The following CIMAP2 variants were observed in gnomAD, a reference collection of about 807,000 sequenced individuals.
The protein encoded by CIMAP2 is ciliary microtubule-associated protein 2.
chr1:54,839,539 G>A, the CIMAP2 span, among the ~76,000 whole-genome samples: 6 of 151,338 alleles, frequency 4.0e-5, no homozygotes, highest in African/African-American at 7.3e-5. Context: ...CACCACGCCC[G>A]ACTAATTTTT....
At chr1:54,832,337 A>C in the CIMAP2 span, among the ~76,000 whole-genome samples, 1 of 148,532 alleles carries the variant, frequency 6.7e-6, no homozygotes, top group Middle Eastern at 3.2e-3. Context: ...TTGATCTCTA[A>C]GAAAATCTCA....
the CIMAP2 span, among the ~76,000 whole-genome samples, chr1:54,832,545 T>C: frequency 6.6e-6 from 1 of 152,152 alleles, no homozygotes; most frequent in East Asian, 1.9e-4. Flanking sequence ...TATTTAGACA[T>C]TAATTACAAT....
At chr1:54,829,504 G>T in the CIMAP2 span, among the ~76,000 whole-genome samples, 2 of 152,336 alleles carry the variant, frequency 1.3e-5, no homozygotes, top group East Asian at 1.9e-4. Flanking sequence ...AGGAGGCACA[G>T]AAGATCGATC....
chr1:54,841,562 T>C, the CIMAP2 span: 4 of 1,612,350 alleles, frequency 2.5e-6, no homozygotes, highest in Non-Finnish European at 3.4e-6. Flanking sequence ...ACAAGCCAAG[T>C]TGGGTGCTTT....
At chr1:54,814,926 C>G in the CIMAP2 span, 1 of 1,614,168 alleles carries the variant, frequency 6.2e-7, no homozygotes, top group South Asian at 1.1e-5. Flanking sequence ...CACATCTGGC[C>G]CCAGTTTCTG....
chr1:54,811,777 C>CGGGGGGGGG, the CIMAP2 span: 1 of 511,458 alleles, frequency 2.0e-6, no homozygotes, highest in Non-Finnish European at 3.7e-6. Flanking sequence ...CTCCATGCCC[C>CGGGGGGGGG]CACCCCCGCC....
chr1:54,823,381 T>C, the CIMAP2 span, among the ~76,000 whole-genome samples: 6 of 152,144 alleles, frequency 3.9e-5, no homozygotes, highest in East Asian at 1.2e-3. Context: ...TTGCCTGATA[T>C]AAGTATAGCT....
chr1:54,822,704 T>C, the CIMAP2 span, among the ~76,000 whole-genome samples: 10 of 152,036 alleles, frequency 6.6e-5, no homozygotes, highest in African/African-American at 2.4e-4. Flanking sequence ...CAGGATTTCA[T>C]CATGTTTCCC....
At chr1:54,824,696 A>T in the CIMAP2 span, among the ~76,000 whole-genome samples, 2 of 151,672 alleles carry the variant, frequency 1.3e-5, no homozygotes, top group African/African-American at 4.8e-5. Flanking sequence ...TTAATTTCCT[A>T]TATTGAATTG....
the CIMAP2 span, among the ~76,000 whole-genome samples, chr1:54,820,088 CCTTCTTT>C: frequency 5.4e-5 from 3 of 55,796 alleles, no homozygotes; most frequent in Non-Finnish European, 1.2e-4. Context: ...TTCCTTCCCT[CCTTCTTT>C]CTTTCTTTCT....
At chr1:54,808,249 A>G in the CIMAP2 span, among the ~76,000 whole-genome samples, 1 of 152,210 alleles carries the variant, frequency 6.6e-6, no homozygotes, top group Non-Finnish European at 1.5e-5. Flanking sequence ...AGGAAATATA[A>G]TACGTATATA....
chr1:54,825,666 G>T, the CIMAP2 span, among the ~76,000 whole-genome samples: 1 of 152,092 alleles, frequency 6.6e-6, no homozygotes, highest in East Asian at 1.9e-4. Flanking sequence ...GGGCGGGCTG[G>T]TCCTCAGGCC....
the CIMAP2 span, chr1:54,841,581 G>T: frequency 6.2e-7 from 1 of 1,614,026 alleles, no homozygotes; most frequent in South Asian, 1.1e-5. Flanking sequence ...TTAATGAGCT[G>T]AACTGAGTGT....
chr1:54,811,411 G>A, the CIMAP2 span, among the ~76,000 whole-genome samples: 38 of 152,304 alleles, frequency 2.5e-4, no homozygotes, highest in Non-Finnish European at 4.6e-4. Flanking sequence ...AAGGCAAAGA[G>A]GGCAGGAAGG....
the CIMAP2 span, among the ~76,000 whole-genome samples, chr1:54,828,646 C>G: frequency 2.0e-3 from 301 of 151,192 alleles, no homozygotes; most frequent in Non-Finnish European, 3.4e-3. Context: ...CCATTCTTTT[C>G]TTTCTTTTTT....
At chr1:54,814,043 G>A in the CIMAP2 span, 1 of 1,495,776 alleles carries the variant, frequency 6.7e-7, no homozygotes. Context: ...CTGGGCATGG[G>A]GTAGGGTGGC....
At chr1:54,817,462 CA>C in the CIMAP2 span, among the ~76,000 whole-genome samples, 2 of 152,178 alleles carry the variant, frequency 1.3e-5, no homozygotes, top group Non-Finnish European at 1.5e-5. Flanking sequence ...ACCCAGAGCC[CA>C]TACGGTCCAG....
chr1:54,808,547 G>A, the CIMAP2 span, among the ~76,000 whole-genome samples: 1 of 151,554 alleles, frequency 6.6e-6, no homozygotes, highest in African/African-American at 2.4e-5. Flanking sequence ...GGGCAGAGGG[G>A]TGAAGGGCTG....
the CIMAP2 span, chr1:54,806,363 G>T: frequency 1.2e-6 from 1 of 819,316 alleles, no homozygotes; most frequent in Non-Finnish European, 1.8e-6. Flanking sequence ...AGAGGAGTGG[G>T]GGCCGGCAGT....
Sources: gnomAD v4.1 joint callset for allele counts (sites outside exome capture counted in the v4.1 genomes callset) on GRCh38, gnomAD v4.1.1 for gene constraint, MANE v1.5 for transcripts, NCBI Gene and HGNC (gene_info 2026-07-23, HGNC 2026-07-21) for gene names.